LRRIQ1: variants seen among roughly 807,000 people sequenced by gnomAD.
The protein encoded by LRRIQ1 is leucine-rich repeat- and IQ domain-containing protein 1.
LRRIQ1 carries 210 observed loss-of-function variants against 211.9 expected under a neutral mutation model. That is an observed-to-expected ratio of 0.99 (90% CI 0.89 to 1.11). The LOEUF is 1.11. Among genes scored for constraint, LRRIQ1 ranks in the 50% most tolerant of loss-of-function variants. The pLI, the probability that LRRIQ1 is intolerant of heterozygous loss-of-function variation, is 0.00. For missense variants in LRRIQ1, 2,136 were observed against 1,939.5 expected, an observed-to-expected ratio of 1.10 and a Z score of -1.90; for synonymous variants, 699 against 650.1, an observed-to-expected ratio of 1.08 and a Z score of -1.14.
At chr12:85,243,923 A>G (rs1303893924) in intron 26 of LRRIQ1, among the ~76,000 whole-genome samples, 1 of 151,486 alleles carries the variant, frequency 6.6e-6, no homozygotes, top group East Asian at 1.9e-4. Flanking sequence ...ATTTTGCTAT[A>G]TTTAAGTTTT....
intron 8 of LRRIQ1, among the ~76,000 whole-genome samples, chr12:85,059,948 T>C (rs1881592938): frequency 6.6e-6 from 1 of 152,036 alleles, no homozygotes; most frequent in Non-Finnish European, 1.5e-5. Context: ...GAAGAGGAAA[T>C]GAATGTAAAA....
At chr12:85,125,386 T>A (rs1888305629) in intron 17 of LRRIQ1, among the ~76,000 whole-genome samples, 1 of 152,158 alleles carries the variant, frequency 6.6e-6, no homozygotes. Context: ...TTAAATAATT[T>A]TAGAAAGCTA....
At chr12:85,099,790 CAT>C (rs1274315380) in intron 13 of LRRIQ1, among the ~76,000 whole-genome samples, 1 of 151,742 alleles carries the variant, frequency 6.6e-6, no homozygotes, top group African/African-American at 2.4e-5. Flanking sequence ...TCCCCCAAGA[CAT>C]ATAAAATCAT....
At chr12:85,065,068 A>G (rs1009470243) in intron 8 of LRRIQ1, among the ~76,000 whole-genome samples, 194 bp from the exon 9 acceptor site, 3 of 151,810 alleles carry the variant, frequency 2.0e-5, no homozygotes, top group Middle Eastern at 3.2e-3. Flanking sequence ...GATGATTGCA[A>G]TATTTTGTCC....
At chr12:85,184,205 A>G (rs542542095) in intron 24 of LRRIQ1, among the ~76,000 whole-genome samples, 3 of 152,046 alleles carry the variant, frequency 2.0e-5, no homozygotes, top group Non-Finnish European at 4.4e-5. Flanking sequence ...TAAATATGTA[A>G]AAAACTTGAA....
At position 85,065,262 on chromosome 12, in the gene LRRIQ1, G is replaced by A. The variant is rs764810819; in HGVS notation, c.2392G>A (p.Val798Ile). The stretch of plus-strand genomic sequence containing the variant: ...ACTCCAATTTTCTTGGTTCCTCTAG[G>A]TTACAACAGTTACATTTCAAGATTT... ...RCGPWDTLQQVTTVTFQDLPG... is the reference protein window; with the variant it reads ...RCGPWDTLQQITTVTFQDLPG... The change falls in exon 9 of 27, where the codon GTT becomes ATT. Residue 798 changes from valine to isoleucine, a missense_variant and splice_region_variant. Transcript: ENST00000393217. 109 of 1,605,174 alleles carry A rather than the reference G, an allele frequency of 6.8e-5. No individual in the cohort carries two copies. The highest frequency in any genetic ancestry group is 9.0e-5 in the Non-Finnish European group (106 of 1,175,314).
intron 25 of LRRIQ1, 45 bp from the exon 26 acceptor site, chr12:85,232,651 C>T: frequency 6.7e-7 from 1 of 1,503,660 alleles, no homozygotes; most frequent in East Asian, 2.3e-5. Context: ...TATGCTTCCT[C>T]TACATTTACA....
intron 26 of LRRIQ1, among the ~76,000 whole-genome samples, chr12:85,239,546 A>G (rs1043305418): frequency 5.3e-5 from 8 of 151,712 alleles, no homozygotes; most frequent in African/African-American, 1.7e-4. Context: ...CAAGGGGGGG[A>G]AAGATAACCC....
Position 85,160,623 on chromosome 12 carries a change from G to A in LRRIQ1, c.4731G>A (p.Val1577=), listed in dbSNP as rs368213415. The A allele has an allele frequency of 8.2e-5, 132 of 1,602,200 alleles. No individual in the cohort carries two copies. The African/African-American group carries it at 1.5e-3, about 18-fold the overall frequency. ...KKLKKKIDST[V]RLALFKNNEN... ...ATTCGTTTTGTTTAGATTCCACTGT[G>A]CGTCTAGCCTTATTCAAAAACAATG... is the stretch of plus-strand genomic sequence containing the variant. Residue 1577 remains valine (V), a synonymous_variant, in exon 24 of 27, where the codon GTG becomes GTA. Transcript: ENST00000393217.
At chr12:85,080,762 A>T (rs1884199389) in intron 11 of LRRIQ1, among the ~76,000 whole-genome samples, 1 of 151,328 alleles carries the variant, frequency 6.6e-6, no homozygotes, top group Non-Finnish European at 1.5e-5. Context: ...TGTTCAGCAA[A>T]GTTTTTTTAT....
intron 1 of LRRIQ1, among the ~76,000 whole-genome samples, chr12:85,262,560 C>T (rs1444296590): frequency 6.6e-6 from 1 of 151,538 alleles, no homozygotes; most frequent in African/African-American, 2.4e-5. Context: ...ATAATTATAG[C>T]AATTTAAACT....
At chr12:85,038,091 A>G in intron 1 of LRRIQ1, 62 bp from the exon 2 acceptor site, 1 of 1,121,926 alleles carries the variant, frequency 8.9e-7, no homozygotes, top group Non-Finnish European at 1.2e-6. Flanking sequence ...TTGGATTGGT[A>G]TGACAAATTA....
chr12:85,271,531 T>C, the LRRIQ1 span, among the ~76,000 whole-genome samples: 1 of 152,162 alleles, frequency 6.6e-6, no homozygotes, highest in Admixed American at 6.5e-5. Flanking sequence ...AGCTTCATAT[T>C]ATTATTCTTT....
At position 85,052,228 on chromosome 12, in the gene LRRIQ1, AAAG is replaced by A. The variant is rs778066729; in HGVS notation, c.732_734del (p.Glu245del). On this transcript the variant is annotated inframe_deletion, in exon 7 of 27. Coordinates refer to ENST00000393217, the MANE Select transcript of LRRIQ1 (RefSeq NM_001079910.2). ...ACTCTATAAAGAAGAGAAAATTTGG[AAAG>A]AGAAATTTAAACAGCATGAGGTATC... 5.1e-6 allele frequency: 8 copies of A among 1,559,294 alleles called. No homozygotes were observed. Among genetic ancestry groups the A allele is most frequent in the Non-Finnish European group, 6.1e-6 (7 of 1,143,086 alleles).
At position 85,217,548 on chromosome 12, in the gene LRRIQ1, GTGTA is replaced by G. The variant is rs1267539500; in HGVS notation, c.4823-11967_4823-11964del. ...TGTGTGTGTGTGTGTGTGTGTGTGT[GTGTA>G]TATAGGTATATATATGTGTGTATAC... On this transcript the variant is annotated intron_variant, in intron 24 of 26. Transcript: ENST00000393217. 4.3e-3 allele frequency among the ~76,000 whole-genome samples: 446 copies of G among 103,098 alleles called. 25 individuals carry two copies. In the East Asian group the frequency reaches 0.083, roughly 19 times the overall value. The allele number at this position is 103,098 out of a possible 152,430, so 67.6% of individuals were successfully genotyped here. A position where few individuals can be genotyped will look rare whatever the true frequency, so the allele number is the denominator to read the frequency against.
intron 19 of LRRIQ1, among the ~76,000 whole-genome samples, chr12:85,143,642 T>C (rs1414922718): frequency 6.6e-6 from 1 of 151,706 alleles, no homozygotes; most frequent in East Asian, 1.9e-4. Flanking sequence ...ATGATGTTTT[T>C]AGCCTATTAT....
chr12:85,096,066 T>C (rs1173361447), intron 11 of LRRIQ1, among the ~76,000 whole-genome samples: 1 of 152,174 alleles, frequency 6.6e-6, no homozygotes, highest in Non-Finnish European at 1.5e-5. Context: ...TTCTTGTTAA[T>C]CTAGCTAGTA....
At chr12:85,243,318 T>TATC (rs1491464268) in intron 26 of LRRIQ1, among the ~76,000 whole-genome samples, 2 of 124,170 alleles carry the variant, frequency 1.6e-5, no homozygotes, top group Non-Finnish European at 3.2e-5. Flanking sequence ...TAACTTTTAT[T>TATC]ATTATTATTA....
At chr12:85,112,845 G>C (rs1887283870) in intron 15 of LRRIQ1, among the ~76,000 whole-genome samples, 1 of 151,956 alleles carries the variant, frequency 6.6e-6, no homozygotes, top group South Asian at 2.1e-4. Context: ...GCTATCTTTA[G>C]GGCACAAAAT....
Sources: gnomAD v4.1 joint callset for allele counts (sites outside exome capture counted in the v4.1 genomes callset) on GRCh38, gnomAD v4.1.1 for gene constraint, MANE v1.5 for transcripts, NCBI Gene and HGNC (gene_info 2026-07-23, HGNC 2026-07-21) for gene names.